PCBP3: variants seen among roughly 807,000 people sequenced by gnomAD.
PCBP3 encodes poly(rC) binding protein 3.
In PCBP3, 25 loss-of-function variants were observed where a neutral mutation model predicts 52.7. The ratio of observed to expected loss-of-function variants is 0.47; its 90% CI spans 0.35 to 0.66. The LOEUF is 0.66. Among genes scored for constraint, PCBP3 ranks in the 30% least tolerant of loss-of-function variants. The probability of loss-of-function intolerance (pLI) is 0.01; values close to 1 mark genes in which losing one functional copy is unlikely to be tolerated. For synonymous variants in PCBP3, 162 were observed against 183.0 expected, an observed-to-expected ratio of 0.89 and a Z score of 0.93; for missense variants, 391 against 490.3, an observed-to-expected ratio of 0.80 and a Z score of 1.91.
intron 1 of PCBP3, among the ~76,000 whole-genome samples, chr21:45,646,107 C>CTGTGTGTGTGTGTGTG (rs765931494): frequency 3.1e-4 from 26 of 83,822 alleles, no homozygotes; most frequent in Non-Finnish European, 3.9e-4. Context: ...CTCTCTCTCT[C>CTGTGTGTGTGTGTGTG]TGTGTGTGTG....
At chr21:45,890,229 G>A (rs962212393) in intron 5 of PCBP3, among the ~76,000 whole-genome samples, 2 of 152,254 alleles carry the variant, frequency 1.3e-5, no homozygotes, top group South Asian at 2.1e-4. Flanking sequence ...AACACTGCAC[G>A]CCCGCTGGGC....
chr21:45,894,721 T>C (rs369293697), intron 5 of PCBP3, among the ~76,000 whole-genome samples: 158 of 152,348 alleles, frequency 1.0e-3, no homozygotes, highest in African/African-American at 3.6e-3. Flanking sequence ...TTAAATGTGC[T>C]TGTGGATGTT....
intron 5 of PCBP3, among the ~76,000 whole-genome samples, chr21:45,885,023 C>T (rs2095485716): frequency 6.6e-6 from 1 of 152,208 alleles, no homozygotes; most frequent in African/African-American, 2.4e-5. Context: ...TTTCTTCCTT[C>T]CTGATATTCC....
intron 16 of PCBP3, 29 bp from the exon 17 acceptor site, chr21:45,940,001 C>G: frequency 6.2e-7 from 1 of 1,604,682 alleles, no homozygotes; most frequent in Non-Finnish European, 8.5e-7. Flanking sequence ...GGGCTGTTCT[C>G]TAAGAAATCC....
rs955430866 is a variant in PCBP3 at position 45,876,622 on chromosome 21, C to T, written c.11-19586C>T. ...AGAAGCCTCCCCTGCCCTGGGTAGC[C>T]TCAGGGACATGAAGTGCATGTGAGG... On this transcript the variant is annotated intron_variant, in intron 5 of 17. Coordinates refer to ENST00000681687, the MANE Select transcript of PCBP3 (RefSeq NM_001384156.1). 9.8e-5 allele frequency among the ~76,000 whole-genome samples: 15 copies of T among 152,320 alleles called. No homozygotes were observed. In the East Asian group the frequency reaches 2.9e-3, roughly 29 times the overall value.
intron 4 of PCBP3, among the ~76,000 whole-genome samples, chr21:45,846,666 A>T (rs530234780): frequency 6.6e-6 from 1 of 152,290 alleles, no homozygotes; most frequent in South Asian, 2.1e-4. Flanking sequence ...TTATAAAGCC[A>T]GCTTCCGTGT....
rs1024092338 is a variant in PCBP3 at position 45,678,900 on chromosome 21, G to A, written c.-200+9948G>A. On this transcript the variant is annotated intron_variant, in intron 2 of 17. Coordinates refer to ENST00000681687, the MANE Select transcript of PCBP3 (RefSeq NM_001384156.1). ...ATCACATGCTACAGAGAAAACTTTCGTGAAAGGAAGAGTCCATTGATGTGG... is the reference window on the plus strand; with the variant it reads ...ATCACATGCTACAGAGAAAACTTTCATGAAAGGAAGAGTCCATTGATGTGG... Among the ~76,000 whole-genome samples the A allele has an allele frequency of 2.2e-4, 33 of 152,016 alleles. 1 individual carries two copies. The highest frequency in any genetic ancestry group is 3.4e-3 in the Middle Eastern group (1 of 294).
intron 2 of PCBP3, among the ~76,000 whole-genome samples, chr21:45,705,360 G>A (rs1188019519): frequency 6.6e-6 from 1 of 152,248 alleles, no homozygotes; most frequent in Admixed American, 6.5e-5. Flanking sequence ...GTAGGACCCA[G>A]ACTGGAGATG....
intron 5 of PCBP3, among the ~76,000 whole-genome samples, chr21:45,883,726 C>T (rs902987692): frequency 2.0e-5 from 3 of 152,106 alleles, no homozygotes; most frequent in African/African-American, 7.2e-5. Flanking sequence ...AATGGTTGCA[C>T]GATACGCCTT....
At chr21:45,756,179 T>C (rs1446358635) in intron 4 of PCBP3, among the ~76,000 whole-genome samples, 1 of 152,214 alleles carries the variant, frequency 6.6e-6, no homozygotes, top group Non-Finnish European at 1.5e-5. Context: ...TCTTTGAGCA[T>C]TGTTTGTTCA....
intron 9 of PCBP3, chr21:45,901,459 A>C: frequency 3.6e-6 from 1 of 276,926 alleles, no homozygotes; most frequent in Non-Finnish European, 7.2e-6. Context: ...CTTGGGCCAC[A>C]CCAGCACCTC....
intron 3 of PCBP3, among the ~76,000 whole-genome samples, chr21:45,753,442 G>T (rs1460269575): frequency 1.3e-5 from 2 of 151,858 alleles, no homozygotes; most frequent in Admixed American, 6.6e-5. Context: ...CTGTATCCGA[G>T]TGTTTTAGTG....
In PCBP3 at chr21:45,734,468, G is replaced by A. The variant is rs144442007; in HGVS notation, c.-199-924G>A. Among the ~76,000 whole-genome samples, 26 of 152,264 alleles carry A rather than the reference G, an allele frequency of 1.7e-4. 1 individual carries two copies. Among genetic ancestry groups the A allele is most frequent in the African/African-American group, 6.0e-4 (25 of 41,554 alleles). ...TCTAGCTTTTGCCTCCTGTGCTGTG[G>A]GGTCCTGAGTGCAGTGCATCCTGAT... On this transcript the variant is annotated intron_variant, in intron 2 of 17. Coordinates refer to ENST00000681687, the MANE Select transcript of PCBP3 (RefSeq NM_001384156.1).
chr21:45,784,815 A>C (rs898483561), intron 4 of PCBP3, among the ~76,000 whole-genome samples: 13 of 151,996 alleles, frequency 8.6e-5, no homozygotes, highest in African/African-American at 2.9e-4. Flanking sequence ...TCGCTACAAC[A>C]TCCACCTCCC....
rs1250440106 is a variant in PCBP3 at position 45,837,686 on chromosome 21, C to G, written c.-125-12275C>G. Reference sequence around the variant, plus strand: ...CCCTGGTAGGTCTGAGGTGCGATTCCACTCAGATTTATTTTTCCTGTGAGG... The same window carrying G: ...CCCTGGTAGGTCTGAGGTGCGATTCGACTCAGATTTATTTTTCCTGTGAGG... On this transcript the variant is annotated intron_variant, in intron 4 of 17. Coordinates refer to ENST00000681687, the MANE Select transcript of PCBP3 (RefSeq NM_001384156.1). The surrounding 1 kb of genome is among the most constrained non-coding windows in gnomAD (Gnocchi z 4.1). Among the ~76,000 whole-genome samples, 1 of 152,156 alleles carries G rather than the reference C, an allele frequency of 6.6e-6. No homozygotes were observed. Among genetic ancestry groups the G allele is most frequent in the African/African-American group, 2.4e-5 (1 of 41,432 alleles).
At chr21:45,922,332 T>C (rs1279947100) in intron 13 of PCBP3, among the ~76,000 whole-genome samples, 1 of 152,164 alleles carries the variant, frequency 6.6e-6, no homozygotes, top group Admixed American at 6.5e-5. Context: ...GATGGGAGGA[T>C]TGCTTGAGCC....
At chr21:45,733,589 C>G (rs1037192308) in intron 2 of PCBP3, among the ~76,000 whole-genome samples, 1 of 150,954 alleles carries the variant, frequency 6.6e-6, no homozygotes, top group Non-Finnish European at 1.5e-5. Context: ...CCGTGCCTGG[C>G]CTATTTATTT....
At chr21:45,781,643 A>T (rs924360221) in intron 4 of PCBP3, among the ~76,000 whole-genome samples, 2 of 152,250 alleles carry the variant, frequency 1.3e-5, no homozygotes, top group African/African-American at 4.8e-5. Context: ...CCCCAAGAGT[A>T]GTGAAAGCAT....
intron 2 of PCBP3, among the ~76,000 whole-genome samples, chr21:45,692,391 C>T (rs1342253004): frequency 6.8e-6 from 1 of 148,146 alleles, no homozygotes; most frequent in South Asian, 2.1e-4. Flanking sequence ...CTAGAATGAT[C>T]AAGATAAAAA....
Sources: gnomAD v4.1 joint callset for allele counts (sites outside exome capture counted in the v4.1 genomes callset) on GRCh38, gnomAD v4.1.1 for gene constraint, Gnocchi (gnomAD v3.1) non-coding constraint, MANE v1.5 for transcripts, NCBI Gene and HGNC (gene_info 2026-07-23, HGNC 2026-07-21) for gene names.